The following RELN variants were observed in gnomAD, a reference collection of about 807,000 sequenced individuals.
RELN encodes reelin.
RELN carries 108 observed loss-of-function variants against 427.6 expected under a neutral mutation model. The ratio of observed to expected loss-of-function variants is 0.25; its 90% CI spans 0.22 to 0.30. The LOEUF (loss-of-function observed/expected upper bound fraction) is 0.30, where lower values mean the gene tolerates loss of function less well. RELN is among the 10% of genes least tolerant of loss of function. The probability of loss-of-function intolerance (pLI) is 1.00; values close to 1 mark genes in which losing one functional copy is unlikely to be tolerated. For synonymous variants in RELN, 1,524 were observed against 1,513.4 expected, an observed-to-expected ratio of 1.01 and a Z score of -0.16; for missense variants, 3,715 against 4,302.8, an observed-to-expected ratio of 0.86 and a Z score of 3.82.
intron 4 of RELN, among the ~76,000 whole-genome samples, chr7:103,775,599 T>C (rs1250251275): frequency 6.6e-6 from 1 of 152,140 alleles, no homozygotes; most frequent in African/African-American, 2.4e-5. Context: ...ATTCTAAAAG[T>C]TAACAAATTC....
rs141183784 is a variant in RELN at position 103,535,827 on chromosome 7, T to C, written c.7181-343A>G. On this transcript the variant is annotated intron_variant, in intron 45 of 64. Transcript: ENST00000428762. ...CATACAGTTACATTATTTGAGTAAC[T>C]GCATATAATTGGTAAGATATATTTG... is the stretch of plus-strand genomic sequence containing the variant. Among the ~76,000 whole-genome samples, 37 of 152,252 alleles carry C rather than the reference T, an allele frequency of 2.4e-4. 1 individual carries two copies. The highest frequency in any genetic ancestry group is 8.4e-4 in the African/African-American group (35 of 41,560).
At chr7:103,691,439 T>C (rs1293119965) in intron 10 of RELN, among the ~76,000 whole-genome samples, 4 of 152,288 alleles carry the variant, frequency 2.6e-5, no homozygotes, top group Admixed American at 2.6e-4. Flanking sequence ...CTGTCAACAT[T>C]ATTTTCAAGA....
chr7:103,845,208 T>C (rs1471465620), intron 2 of RELN, among the ~76,000 whole-genome samples: 1 of 152,070 alleles, frequency 6.6e-6, no homozygotes, highest in Non-Finnish European at 1.5e-5. Context: ...CTTTTTTTTA[T>C]TGTTGTTGTT....
intron 1 of RELN, among the ~76,000 whole-genome samples, chr7:103,919,685 C>T (rs550093360): frequency 6.6e-6 from 1 of 152,280 alleles, no homozygotes; most frequent in South Asian, 2.1e-4. Flanking sequence ...TGACGACTTT[C>T]TTTCCTCTAA....
chr7:103,492,852 A>G (rs1489937198), intron 57 of RELN, among the ~76,000 whole-genome samples: 2 of 152,166 alleles, frequency 1.3e-5, no homozygotes, highest in Non-Finnish European at 2.9e-5. Context: ...GAGATAGGAA[A>G]AAGATATTTA....
intron 2 of RELN, among the ~76,000 whole-genome samples, chr7:103,890,334 A>C (rs770315145): frequency 6.6e-6 from 1 of 152,036 alleles, no homozygotes; most frequent in Non-Finnish European, 1.5e-5. Flanking sequence ...GGTGTCCCCA[A>C]CTGCAGGGCC....
chr7:103,970,482 C>CT (rs906130584), intron 1 of RELN, among the ~76,000 whole-genome samples: 186 of 151,554 alleles, frequency 1.2e-3, no homozygotes, highest in African/African-American at 4.1e-3. Context: ...TTTTCTTTTT[C>CT]TTTTTTTTTC....
chr7:103,566,803 G>A, intron 31 of RELN, 44 bp from the exon 32 acceptor site: 1 of 1,577,478 alleles, frequency 6.3e-7, no homozygotes, highest in South Asian at 1.1e-5. Context: ...CACTTTCCTA[G>A]AGGGGAAGGA....
chr7:103,860,798 C>A (rs965881990), intron 2 of RELN, among the ~76,000 whole-genome samples: 51 of 152,258 alleles, frequency 3.3e-4, no homozygotes, highest in African/African-American at 1.2e-3. Flanking sequence ...TCATCATCAT[C>A]ATTAAAAAGA....
At chr7:103,883,935 T>C (rs554856328) in intron 2 of RELN, among the ~76,000 whole-genome samples, 1 of 152,280 alleles carries the variant, frequency 6.6e-6, no homozygotes, top group African/African-American at 2.4e-5. Flanking sequence ...AAAACTACTT[T>C]AAATTTCAGA....
chr7:103,868,105 T>G (rs750778568), intron 2 of RELN, among the ~76,000 whole-genome samples: 1 of 152,068 alleles, frequency 6.6e-6, no homozygotes, highest in African/African-American at 2.4e-5. Flanking sequence ...GCACTCCATA[T>G]GGACACAAAT....
intron 3 of RELN, among the ~76,000 whole-genome samples, chr7:103,790,039 A>G (rs1792120449): frequency 6.6e-6 from 1 of 152,224 alleles, no homozygotes. Flanking sequence ...TTGCAGGGAC[A>G]TGGATGAAGC....
chr7:103,488,631 A>G (rs1164357110), intron 60 of RELN, among the ~76,000 whole-genome samples: 4 of 152,236 alleles, frequency 2.6e-5, no homozygotes, highest in Non-Finnish European at 5.9e-5. Context: ...GGATTCTTAC[A>G]TTGTATATCT....
chr7:103,612,730 A>T (rs901644945), intron 20 of RELN, among the ~76,000 whole-genome samples: 4 of 152,194 alleles, frequency 2.6e-5, no homozygotes, highest in African/African-American at 9.6e-5. Context: ...ATCATAATAT[A>T]GTTTTAATGG....
At chr7:103,618,734 T>C (rs965697738) in intron 20 of RELN, among the ~76,000 whole-genome samples, 7 of 152,172 alleles carry the variant, frequency 4.6e-5, no homozygotes, top group African/African-American at 1.7e-4. Context: ...CATAAGTTAT[T>C]CAATTCAGGG....
Position 103,831,059 on chromosome 7 carries a change from T to C in RELN, c.473+2478A>G, listed in dbSNP as rs146978674. Among the ~76,000 whole-genome samples, 318 of 152,254 alleles carry C rather than the reference T, an allele frequency of 2.1e-3. 11 individuals carry two copies. The East Asian group carries it at 0.047, about 22-fold the overall frequency. On this transcript the variant is annotated intron_variant, in intron 3 of 64. Transcript: ENST00000428762. ...TTTCTCAGAAGAAAATAGAGTTTTA[T>C]ATCTCAAAAGTAGTGAGATCATAAG...
chr7:103,515,156 C>T, intron 50 of RELN, 29 bp downstream of exon 50: 1 of 1,613,988 alleles, frequency 6.2e-7, no homozygotes, highest in Non-Finnish European at 8.5e-7. Context: ...TTCCACTGGG[C>T]TTTTTATTTA....
At chr7:103,548,632 A>G (rs1225169317) in intron 41 of RELN, among the ~76,000 whole-genome samples, 1 of 152,260 alleles carries the variant, frequency 6.6e-6, no homozygotes, top group African/African-American at 2.4e-5. Context: ...TTTCATGGAA[A>G]TAAAAATGAC....
chr7:103,589,636 TC>T lies in RELN; in HGVS notation c.4104del (p.Trp1368Ter), dbSNP rs1359320381. The T allele has an allele frequency of 1.2e-6, 2 of 1,613,862 alleles. No individual in the cohort carries two copies. Among genetic ancestry groups the T allele is most frequent in the African/African-American group, 2.7e-5 (2 of 74,924 alleles). ...CTTGGAATAACAATGGTGATTCTTG[TC>T]CATTCTTCAAAGTCCCCTGTGTGAT... ...TMYHTGDFEEWTRITIVIPRS... is the reference protein window; with the variant it reads ...TMYHTGDFEEXTRITIVIPRS... On this transcript the variant is annotated frameshift_variant, in exon 28 of 65. Coordinates refer to ENST00000428762, the MANE Select transcript of RELN (RefSeq NM_005045.4). LOFTEE classifies it high-confidence loss of function.
Sources: gnomAD v4.1 joint callset for allele counts (sites outside exome capture counted in the v4.1 genomes callset) on GRCh38, gnomAD v4.1.1 for gene constraint, MANE v1.5 for transcripts, NCBI Gene and HGNC (gene_info 2026-07-23, HGNC 2026-07-21) for gene names.